The following KIF2A variants were observed in gnomAD, a reference collection of about 807,000 sequenced individuals.
KIF2A encodes kinesin family member 2A.
Under a neutral mutation model 100.2 loss-of-function variants are expected in KIF2A, and 22 were observed. That is an observed-to-expected ratio of 0.22 (90% CI 0.16 to 0.31). The LOEUF is 0.31. Among genes scored for constraint, KIF2A ranks in the 10% least tolerant of loss-of-function variants. The pLI, the probability that KIF2A is intolerant of heterozygous loss-of-function variation, is 1.00. For missense variants in KIF2A, 495 were observed against 898.7 expected (o/e 0.55, Z 5.74); for synonymous variants, 268 against 285.9 (o/e 0.94, Z 0.63).
In KIF2A at chr5:62,386,152, C is replaced by T. The variant is rs1017613019; in HGVS notation, c.*583C>T. 2 of 152,772 alleles carry T rather than the reference C, an allele frequency of 1.3e-5. No individual in the cohort carries two copies. Among genetic ancestry groups the T allele is most frequent in the South Asian group, 4.1e-4 (2 of 4,840 alleles). 9.5% of individuals were successfully genotyped at this position (152,772 alleles called of 1,614,324 possible). Reference sequence around the variant, plus strand: ...GTGTACATTTTTACTGTATTTGAGACATTTTTTGTGTGTGACTAGTTAATT... The same window carrying T: ...GTGTACATTTTTACTGTATTTGAGATATTTTTTGTGTGTGACTAGTTAATT... On this transcript the variant is annotated 3_prime_UTR_variant, in exon 21 of 21. Coordinates refer to ENST00000407818, the MANE Select transcript of KIF2A (RefSeq NM_001098511.3).
At chr5:62,337,893 A>C (rs544878989) in intron 1 of KIF2A, among the ~76,000 whole-genome samples, 1 of 152,080 alleles carries the variant, frequency 6.6e-6, no homozygotes, top group Non-Finnish European at 1.5e-5. Flanking sequence ...AAAATCCAGA[A>C]CAAAACAGAC....
chr5:62,339,056 C>G (rs1747131383), intron 1 of KIF2A, among the ~76,000 whole-genome samples: 1 of 152,142 alleles, frequency 6.6e-6, no homozygotes, highest in African/African-American at 2.4e-5. Flanking sequence ...TTAGGCCCAT[C>G]TTTCATTGCT....
intron 19 of KIF2A, among the ~76,000 whole-genome samples, chr5:62,380,570 C>T (rs1403081653): frequency 3.3e-5 from 5 of 152,088 alleles, no homozygotes; most frequent in Non-Finnish European, 1.5e-5. Flanking sequence ...TTGAGCCCCC[C>T]TAAAACTTGA....
chr5:62,345,296 G>A (rs1448940980), intron 1 of KIF2A, among the ~76,000 whole-genome samples: 1 of 152,054 alleles, frequency 6.6e-6, no homozygotes, highest in African/African-American at 2.4e-5. Context: ...GCTGAGGCAG[G>A]AGAATTGCTT....
intron 1 of KIF2A, among the ~76,000 whole-genome samples, chr5:62,345,913 C>G (rs1035849340): frequency 6.6e-6 from 1 of 151,972 alleles, no homozygotes; most frequent in Non-Finnish European, 1.5e-5. Context: ...AAGATGAAAA[C>G]AGATGAAATA....
chr5:62,311,987 A>C (rs999130652), intron 1 of KIF2A: 1 of 152,228 alleles, frequency 6.6e-6, no homozygotes, highest in African/African-American at 2.4e-5. Context: ...GCCTGGGCCA[A>C]AGCCCGAATC....
chr5:62,382,442 A>G (rs1741808458), intron 20 of KIF2A, among the ~76,000 whole-genome samples: 1 of 152,140 alleles, frequency 6.6e-6, no homozygotes, highest in African/African-American at 2.4e-5. Context: ...TCCTGTCTCA[A>G]AAAATTAAAG....
intron 18 of KIF2A, among the ~76,000 whole-genome samples, chr5:62,376,756 G>GT (rs1741570580): frequency 6.6e-6 from 1 of 151,698 alleles, no homozygotes; most frequent in Non-Finnish European, 1.5e-5. Flanking sequence ...GTTTTGTTTT[G>GT]TTTTTTAATC....
chr5:62,385,616 C>A lies in KIF2A; in HGVS notation c.*47C>A. On this transcript the variant is annotated 3_prime_UTR_variant, in exon 21 of 21. Transcript: ENST00000407818. ...ATACCCAGAACCCTCACTACTGTAA[C>A]ATACAACGGTTCAGCTGTAAGGGCC... The A allele has an allele frequency of 7.5e-7, 1 of 1,326,762 alleles. No individual in the cohort carries two copies. Among genetic ancestry groups the A allele is most frequent in the Non-Finnish European group, 1.1e-6 (1 of 941,838 alleles). The allele number at this position is 1,326,762 out of a possible 1,614,324, so 82.2% of individuals were successfully genotyped here. A position where few individuals can be genotyped will look rare whatever the true frequency, so the allele number is the denominator to read the frequency against.
intron 18 of KIF2A, among the ~76,000 whole-genome samples, chr5:62,376,750 T>G (rs1741569966): frequency 3.3e-5 from 5 of 152,118 alleles, no homozygotes; most frequent in African/African-American, 1.2e-4. Flanking sequence ...TGTTTTGTTT[T>G]GTTTTGTTTT....
intron 16 of KIF2A, among the ~76,000 whole-genome samples, chr5:62,367,779 G>T (rs974544726): frequency 4.6e-5 from 7 of 151,806 alleles, no homozygotes; most frequent in African/African-American, 1.7e-4. Flanking sequence ...TTTTCCCACT[G>T]CTCTTGAGTG....
intron 4 of KIF2A, 117 bp from the exon 5 acceptor site, chr5:62,352,471 C>A: frequency 1.7e-6 from 1 of 599,378 alleles, no homozygotes; most frequent in East Asian, 3.1e-5. Flanking sequence ...GAAAACCTGG[C>A]AACTTACTAA....
chr5:62,378,648 T>C (rs989945891), intron 19 of KIF2A, among the ~76,000 whole-genome samples: 2 of 152,218 alleles, frequency 1.3e-5, no homozygotes, highest in African/African-American at 4.8e-5. Context: ...CCAGGCGCAG[T>C]GGCTCATGCC....
intron 4 of KIF2A, among the ~76,000 whole-genome samples, chr5:62,352,005 T>A (rs1747878041): frequency 1.3e-5 from 2 of 152,180 alleles, no homozygotes; most frequent in African/African-American, 4.8e-5. Context: ...ATTACAAAAA[T>A]GAGCCAGGTG....
Position 62,389,459 on chromosome 5 carries a change from C to G in KIF2A, c.*3890C>G, listed in dbSNP as rs577743321. 2.8e-4 allele frequency among the ~76,000 whole-genome samples: 34 copies of G among 121,470 alleles called. No individual in the cohort carries two copies. Among genetic ancestry groups the G allele is most frequent in the Non-Finnish European group, 4.8e-4 (30 of 62,254 alleles). The allele number at this position is 121,470 out of a possible 152,430, so 79.7% of individuals were successfully genotyped here. A position where few individuals can be genotyped will look rare whatever the true frequency, so the allele number is the denominator to read the frequency against. The stretch of plus-strand genomic sequence containing the variant: ...TGAGATTGTGCCACTGGAGTCCAGC[C>G]TGGGTGACAGAGCAAGACTCTGTCT... On this transcript the variant is annotated 3_prime_UTR_variant, in exon 21 of 21. Coordinates refer to ENST00000407818, the MANE Select transcript of KIF2A (RefSeq NM_001098511.3).
At chr5:62,365,881 G>C (rs1178854995) in intron 15 of KIF2A, among the ~76,000 whole-genome samples, 3 of 152,062 alleles carry the variant, frequency 2.0e-5, no homozygotes, top group Non-Finnish European at 4.4e-5. Flanking sequence ...TCTAGGTCTG[G>C]AATCAGCTAG....
Position 62,365,231 on chromosome 5 carries a change from C to CTTAAT in KIF2A, c.1468-9_1468-5dup, listed in dbSNP as rs769804842. 1 of 1,413,082 alleles carries CTTAAT rather than the reference C, an allele frequency of 7.1e-7. No individual in the cohort carries two copies. Among genetic ancestry groups the CTTAAT allele is most frequent in the East Asian group, 2.3e-5 (1 of 43,022 alleles). The allele number at this position is 1,413,082 out of a possible 1,614,324, so 87.5% of individuals were successfully genotyped here. ...AAGACTAATCTGTGAGACTTGTTTT[C>CTTAAT]TTAATTTTCAGGAGTGCATCAGAGC... On this transcript the variant is annotated splice_polypyrimidine_tract_variant and intron_variant, in intron 14 of 20. Coordinates refer to ENST00000407818, the MANE Select transcript of KIF2A (RefSeq NM_001098511.3).
In KIF2A at chr5:62,306,385, C is replaced by T. The variant is rs1745268580; in HGVS notation, c.-88C>T. 1 of 944,870 alleles carries T rather than the reference C, an allele frequency of 1.1e-6. No individual in the cohort carries two copies. Among genetic ancestry groups the T allele is most frequent in the Middle Eastern group, 3.0e-4 (1 of 3,302 alleles). The allele number at this position is 944,870 out of a possible 1,614,324, so 58.5% of individuals were successfully genotyped here. A position where few individuals can be genotyped will look rare whatever the true frequency, so the allele number is the denominator to read the frequency against. ...CGGCGCGGCCGCGGGCAACCGCTCC[C>T]CCTCCCACACCTACCCCGCCCCCTC... On this transcript the variant is annotated 5_prime_UTR_variant, in exon 1 of 21. Coordinates refer to ENST00000407818, the MANE Select transcript of KIF2A (RefSeq NM_001098511.3).
intron 1 of KIF2A, chr5:62,308,508 A>G: frequency 2.8e-6 from 2 of 712,432 alleles, no homozygotes. Context: ...ATGTCCATCG[A>G]TGGGTGAGGA....
Sources: allele counts gnomAD v4.1 joint callset (sites outside exome capture counted in the v4.1 genomes callset), GRCh38; gene constraint gnomAD v4.1.1; transcripts MANE v1.5; gene names NCBI Gene and HGNC (gene_info 2026-07-23, HGNC 2026-07-21).